The following CUX1 variants were observed in gnomAD, a reference collection of about 807,000 sequenced individuals.
CUX1 encodes the protein cut like homeobox 1, also known as protein CASP.
CUX1 carries 31 observed loss-of-function variants against 158.8 expected under a neutral mutation model. That is an observed-to-expected ratio of 0.20 (90% CI 0.15 to 0.26). The LOEUF is 0.26. Among genes scored for constraint, CUX1 ranks in the 10% least tolerant of loss-of-function variants. CUX1 has a pLI of 1.00. For missense variants in CUX1, 1,589 were observed against 2,014.6 expected, an observed-to-expected ratio of 0.79 and a Z score of 4.04; for synonymous variants, 879 against 862.1, an observed-to-expected ratio of 1.02 and a Z score of -0.34.
chr7:102,239,083 C>T (rs1309045479), intron 22 of CUX1, among the ~76,000 whole-genome samples: 1 of 152,168 alleles, frequency 6.6e-6, no homozygotes, highest in Admixed American at 6.5e-5. Flanking sequence ...GACGGGGTTT[C>T]ACCATATTGG....
intron 20 of CUX1, 76 bp downstream of exon 20, chr7:102,205,246 C>A: frequency 1.8e-6 from 2 of 1,110,104 alleles, no homozygotes; most frequent in Non-Finnish European, 1.4e-6. Flanking sequence ...GTGGTCTGTC[C>A]CGGCGAGACT....
chr7:101,855,925 A>G (rs1156461469), intron 1 of CUX1, among the ~76,000 whole-genome samples: 1 of 151,172 alleles, frequency 6.6e-6, no homozygotes, highest in Non-Finnish European at 1.5e-5. Context: ...AGCGCCTGTA[A>G]TCCCAGCACG....
intron 8 of CUX1, among the ~76,000 whole-genome samples, chr7:102,116,574 G>T (rs1045920086): frequency 2.6e-5 from 4 of 152,156 alleles, no homozygotes; most frequent in Non-Finnish European, 4.4e-5. Context: ...GAACCCAGGA[G>T]TTGAGGCTGC....
At chr7:101,824,579 A>G (rs1793046859) in intron 1 of CUX1, 1 of 152,254 alleles carries the variant, frequency 6.6e-6, no homozygotes, top group African/African-American at 2.4e-5. Context: ...GAGCATTGGT[A>G]AAGCCGTGGG....
intron 2 of CUX1, among the ~76,000 whole-genome samples, chr7:101,973,418 C>A (rs548863446): frequency 2.0e-5 from 3 of 152,290 alleles, no homozygotes; most frequent in African/African-American, 7.2e-5. Context: ...GCCAGTGCAA[C>A]GCCAGGACAG....
Position 102,027,865 on chromosome 7 carries a change from C to A in CUX1, c.142-233C>A, listed in dbSNP as rs576369286. Among the ~76,000 whole-genome samples, 5 of 152,244 alleles carry A rather than the reference C, an allele frequency of 3.3e-5. No individual in the cohort carries two copies. In the East Asian group the frequency reaches 9.7e-4, roughly 29 times the overall value. Reference sequence around the variant, plus strand: ...CAACAGAATGAGACTCTGTCTTCAACAACAAGAACAACAAAGAACCACCTC... The same window carrying A: ...CAACAGAATGAGACTCTGTCTTCAAAAACAAGAACAACAAAGAACCACCTC... On this transcript the variant is annotated intron_variant, in intron 2 of 23. Coordinates refer to ENST00000292535, the MANE Select transcript of CUX1 (RefSeq NM_181552.4).
chr7:102,174,243 T>C (rs1176143248), intron 10 of CUX1, among the ~76,000 whole-genome samples: 1 of 152,150 alleles, frequency 6.6e-6, no homozygotes, highest in East Asian at 1.9e-4. Flanking sequence ...CTCAGCCTTC[T>C]GAATAGCTGG....
chr7:101,966,140 C>A (rs1342775375), intron 2 of CUX1, among the ~76,000 whole-genome samples: 1 of 152,068 alleles, frequency 6.6e-6, no homozygotes, highest in East Asian at 1.9e-4. Flanking sequence ...TCAGGGCTCA[C>A]TGCAGCCTCA....
chr7:102,237,937 A>G (rs1243139691), intron 22 of CUX1, among the ~76,000 whole-genome samples: 2 of 151,852 alleles, frequency 1.3e-5, no homozygotes, highest in African/African-American at 4.8e-5. Context: ...CAGCCGAGGC[A>G]GAGAGAGAGA....
rs540572035 is a variant in CUX1, at chr7:102,052,154, G to A, written c.190-18185G>A. 9.2e-5 allele frequency among the ~76,000 whole-genome samples: 14 copies of A among 151,970 alleles called. No individual in the cohort carries two copies. The South Asian group carries it at 2.5e-3, about 27-fold the overall frequency. ...GAGAATCACTTGAACCTGGGAGGCA[G>A]AGGTTGCAGTAAGCCGAGATTGCAC... On this transcript the variant is annotated intron_variant, in intron 3 of 23. Coordinates refer to ENST00000292535, the MANE Select transcript of CUX1 (RefSeq NM_181552.4).
Position 101,821,485 on chromosome 7 carries a change from C to T in CUX1, c.30+3816C>T, listed in dbSNP as rs181719468. ...TCCCGAGTAGCTGGGACTACAGGCGCTGGCCACCAGGCCTGGCTAATTTTT... is the reference window on the plus strand; with the variant it reads ...TCCCGAGTAGCTGGGACTACAGGCGTTGGCCACCAGGCCTGGCTAATTTTT... On this transcript the variant is annotated intron_variant, in intron 1 of 23. Transcript: ENST00000292535. Among the ~76,000 whole-genome samples, 920 of 151,350 alleles carry T rather than the reference C, an allele frequency of 6.1e-3. 26 individuals carry two copies. Among genetic ancestry groups the T allele is most frequent in the East Asian group, 0.022 (111 of 5,112 alleles).
chr7:102,076,132 C>T (rs1826691857), intron 4 of CUX1, among the ~76,000 whole-genome samples: 1 of 152,134 alleles, frequency 6.6e-6, no homozygotes, highest in East Asian at 1.9e-4. Context: ...CCTGTAACCC[C>T]AGCACTTTGG....
At chr7:101,958,643 G>A (rs1810069260) in intron 2 of CUX1, among the ~76,000 whole-genome samples, 1 of 151,274 alleles carries the variant, frequency 6.6e-6, no homozygotes, top group Admixed American at 6.6e-5. Flanking sequence ...ACCATGCCTG[G>A]CTAATTTTGT....
intron 5 of CUX1, among the ~76,000 whole-genome samples, chr7:102,098,908 C>T (rs1019396372): frequency 6.6e-6 from 1 of 151,256 alleles, no homozygotes; most frequent in African/African-American, 2.4e-5. Flanking sequence ...ATCCACCCCC[C>T]TCAGCCTCCC....
At chr7:102,119,876 C>T (rs568617453) in intron 8 of CUX1, among the ~76,000 whole-genome samples, 4 of 152,260 alleles carry the variant, frequency 2.6e-5, no homozygotes, top group African/African-American at 7.2e-5. Context: ...AAACATAGCT[C>T]CTTCTCAGAT....
intron 8 of CUX1, among the ~76,000 whole-genome samples, chr7:102,156,014 C>T (rs1413027830): frequency 4.6e-5 from 7 of 152,204 alleles, no homozygotes; most frequent in Admixed American, 2.0e-4. Context: ...GTCTGAAAGC[C>T]GGATATTATT....
intron 20 of CUX1, among the ~76,000 whole-genome samples, chr7:102,206,407 G>A (rs1795952320): frequency 6.6e-6 from 1 of 152,144 alleles, no homozygotes; most frequent in Admixed American, 6.6e-5. Flanking sequence ...TCCAGCACTG[G>A]CTCGAGTTCA....
intron 14 of CUX1, among the ~76,000 whole-genome samples, chr7:102,271,079 GC>G (rs1554546147): frequency 6.6e-6 from 1 of 152,178 alleles, no homozygotes; most frequent in African/African-American, 2.4e-5. Context: ...CATCTCAGCA[GC>G]TTTTTATCCA....
At chr7:101,899,838 G>A (rs1801945777) in intron 1 of CUX1, among the ~76,000 whole-genome samples, 2 of 152,142 alleles carry the variant, frequency 1.3e-5, no homozygotes, top group Non-Finnish European at 2.9e-5. Flanking sequence ...GGGGGCCATC[G>A]AGCATGGTGT....
Sources: gnomAD v4.1 joint callset for allele counts (sites outside exome capture counted in the v4.1 genomes callset) on GRCh38, gnomAD v4.1.1 for gene constraint, MANE v1.5 for transcripts, NCBI Gene and HGNC (gene_info 2026-07-23, HGNC 2026-07-21) for gene names.